Variants in SPTBN1 observed in about 807,000 individuals in gnomAD.
The protein encoded by SPTBN1 is spectrin beta, non-erythrocytic 1.
In SPTBN1, 32 loss-of-function variants were observed where a neutral mutation model predicts 266.4. That is an observed-to-expected ratio of 0.12 (90% CI 0.09 to 0.16). The LOEUF is 0.16. Ranked by LOEUF, SPTBN1 falls within the 10% of genes least tolerant of loss-of-function variation. The pLI is 1.00. For missense variants in SPTBN1, 2,296 were observed against 3,067.1 expected (o/e 0.75, Z 5.94); for synonymous variants, 1,336 against 1,162.2 (o/e 1.15, Z -3.04).
In SPTBN1 at chr2:54,646,419, G is replaced by T; in HGVS notation, c.4810G>T (p.Ala1604Ser). 6.3e-7 allele frequency: 1 copy of T among 1,595,012 alleles called. No individual in the cohort carries two copies. The highest frequency in any genetic ancestry group is 8.5e-7 in the Non-Finnish European group (1 of 1,170,704). The change falls in exon 23 of 36, where the codon GCC becomes TCC. Residue 1604 changes from alanine to serine, a missense_variant. By Grantham distance (99) the Ala-to-Ser change is moderately conservative. This residue lies in a region of SPTBN1 where 644 missense variants were observed against 745.3 expected (regional missense o/e 0.86). Coordinates refer to ENST00000356805, the MANE Select transcript of SPTBN1 (RefSeq NM_003128.3). The surrounding 1 kb of genome is among the most constrained non-coding windows in gnomAD (Gnocchi z 4.4). ...GCAGTACTACTTTGACGCTGCTGAG[G>T]CCGAAGCCTGGATGAGCGAGCAGGA... is the stretch of plus-strand genomic sequence containing the variant. The part of the protein sequence containing the change: ...AQQYYFDAAE[A>S]EAWMSEQELY...
At chr2:54,574,325 G>A (rs762557269) in intron 2 of SPTBN1, among the ~76,000 whole-genome samples, 6 of 152,186 alleles carry the variant, frequency 3.9e-5, no homozygotes, top group South Asian at 2.1e-4. Context: ...TGTTGACCAC[G>A]CCCTAGCATT....
At chr2:54,491,626 G>A (rs1030679708) in intron 1 of SPTBN1, among the ~76,000 whole-genome samples, 2 of 151,384 alleles carry the variant, frequency 1.3e-5, no homozygotes, top group African/African-American at 4.9e-5. Context: ...AGACAAGGCT[G>A]TCACCCAGGC....
chr2:54,670,646 G>T lies in SPTBN1; in HGVS notation c.*2077G>T. 1 of 398,646 alleles carries T rather than the reference G, an allele frequency of 2.5e-6. No homozygotes were observed. Among genetic ancestry groups the T allele is most frequent in the South Asian group, 1.3e-4 (1 of 7,844 alleles). The allele number at this position is 398,646 out of a possible 1,614,324, so 24.7% of individuals were successfully genotyped here. On this transcript the variant is annotated 3_prime_UTR_variant, in exon 36 of 36. Coordinates refer to ENST00000356805, the MANE Select transcript of SPTBN1 (RefSeq NM_003128.3). ...TGATTAATTACAGTCTTGTACTCTT[G>T]ACAAAGCTGTGCAGATGGCAATAAG...
At chr2:54,582,643 G>A (rs1045641962) in intron 2 of SPTBN1, among the ~76,000 whole-genome samples, 6 of 152,050 alleles carry the variant, frequency 3.9e-5, no homozygotes, top group Middle Eastern at 3.4e-3. Context: ...CTCCCATTTC[G>A]GAATTATCAG....
intron 1 of SPTBN1, among the ~76,000 whole-genome samples, chr2:54,474,296 A>G (rs1667690784): frequency 6.6e-6 from 1 of 152,206 alleles, no homozygotes; most frequent in Admixed American, 6.5e-5. Context: ...GTGATAACCT[A>G]AAAGTCCATC....
Position 54,653,876 on chromosome 2 carries a change from A to C in SPTBN1, c.5822+23A>C, listed in dbSNP as rs752875871. ...AAGGTAACGCTTTCAGCCCAAAGGA[A>C]ATTGGACTTATTGGCGCTTGGTTAA... On this transcript the variant is annotated intron_variant, in intron 27 of 35. Coordinates refer to ENST00000356805, the MANE Select transcript of SPTBN1 (RefSeq NM_003128.3). The surrounding 1 kb of genome is among the most constrained non-coding windows in gnomAD (Gnocchi z 5.1). 2 of 1,597,276 alleles carry C rather than the reference A, an allele frequency of 1.3e-6. No individual in the cohort carries two copies. Among genetic ancestry groups the C allele is most frequent in the South Asian group, 2.3e-5 (2 of 88,146 alleles).
chr2:54,533,889 CTG>C lies in SPTBN1; in HGVS notation c.148+7325_148+7326del, dbSNP rs1431888557. 8.1e-6 allele frequency among the ~76,000 whole-genome samples: 1 copy of C among 123,424 alleles called. No homozygotes were observed. Among genetic ancestry groups the C allele is most frequent in the African/African-American group, 3.3e-5 (1 of 30,252 alleles). 81.0% of individuals were successfully genotyped at this position (123,424 alleles called of 152,430 possible). On this transcript the variant is annotated intron_variant, in intron 2 of 35. Coordinates refer to ENST00000356805, the MANE Select transcript of SPTBN1 (RefSeq NM_003128.3). The surrounding 1 kb of genome is among the most constrained non-coding windows in gnomAD (Gnocchi z 4.2). Reference sequence around the variant, plus strand: ...TAGGGGGAAAGATTGATCTCTCTCTCTGTCTCTCTCTCACACACACACACACA... The same window carrying C: ...TAGGGGGAAAGATTGATCTCTCTCTCTCTCTCTCTCACACACACACACACA...
intron 1 of SPTBN1, among the ~76,000 whole-genome samples, chr2:54,501,285 G>C (rs982942589): frequency 2.0e-5 from 3 of 152,048 alleles, no homozygotes; most frequent in African/African-American, 7.3e-5. Context: ...GGGCTTTTTG[G>C]CTCTTTGGCT....
At chr2:54,548,062 G>C (rs1672353572) in intron 2 of SPTBN1, among the ~76,000 whole-genome samples, 2 of 152,178 alleles carry the variant, frequency 1.3e-5, no homozygotes, top group African/African-American at 4.8e-5. Context: ...AGAATGGCAT[G>C]AACCCAGGAG....
intron 1 of SPTBN1, among the ~76,000 whole-genome samples, chr2:54,525,766 T>C (rs1191969809): frequency 6.6e-6 from 1 of 152,266 alleles, no homozygotes; most frequent in East Asian, 1.9e-4. Context: ...AGTCTCGCTC[T>C]GTTGCCCAGG....
In SPTBN1 at chr2:54,483,528, T is replaced by G. The variant is rs139124823; in HGVS notation, c.-48+27010T>G. Among the ~76,000 whole-genome samples, 407 of 152,310 alleles carry G rather than the reference T, an allele frequency of 2.7e-3. 2 individuals carry two copies. The highest frequency in any genetic ancestry group is 9.5e-3 in the African/African-American group (394 of 41,574). ...GGAGAGGCTGTCTGGAAGCCCGCAGTCTGGTCTGTACCATCCAGGCTCTTT... is the reference window on the plus strand; with the variant it reads ...GGAGAGGCTGTCTGGAAGCCCGCAGGCTGGTCTGTACCATCCAGGCTCTTT... On this transcript the variant is annotated intron_variant, in intron 1 of 35. Coordinates refer to ENST00000356805, the MANE Select transcript of SPTBN1 (RefSeq NM_003128.3).
rs746897447 is a variant in SPTBN1, at chr2:54,562,533, C to CTTTTTTTCTTTTTTTTTTTTT, written c.148+35974_148+35975insCTTTTTTTTTTTTTTTTTTTT. On this transcript the variant is annotated intron_variant, in intron 2 of 35. Transcript: ENST00000356805. ...AAATGCTTACTTTTCTTTTCTTTTTCTTTTTTTTTTTTGAGGCAAGGTCTG... is the reference window on the plus strand; with the variant it reads ...AAATGCTTACTTTTCTTTTCTTTTTCTTTTTTTCTTTTTTTTTTTTTTTTTTTTTTTTTGAGGCAAGGTCTG... 8.7e-5 allele frequency among the ~76,000 whole-genome samples: 11 copies of CTTTTTTTCTTTTTTTTTTTTT among 126,824 alleles called. 3 individuals are homozygous for CTTTTTTTCTTTTTTTTTTTTT. The highest frequency in any genetic ancestry group is 2.4e-4 in the South Asian group (1 of 4,148). The allele number at this position is 126,824 out of a possible 152,430, so 83.2% of individuals were successfully genotyped here.
At position 54,483,954 on chromosome 2, in the gene SPTBN1, G is replaced by T. The variant is rs568993982; in HGVS notation, c.-48+27436G>T. On this transcript the variant is annotated intron_variant, in intron 1 of 35. Coordinates refer to ENST00000356805, the MANE Select transcript of SPTBN1 (RefSeq NM_003128.3). ...TCATGCCTGTAATTCTAGCACTTTG[G>T]GGGGCTGAGGCAGTCAGATCACCTG... Among the ~76,000 whole-genome samples, 10 of 152,260 alleles carry T rather than the reference G, an allele frequency of 6.6e-5. No homozygotes were observed. The East Asian group carries it at 9.7e-4, about 15-fold the overall frequency.
rs2103938216 is a variant in SPTBN1, at chr2:54,631,008, C to T, written c.2961C>T (p.Asp987=). 2 of 1,614,154 alleles carry T rather than the reference C, an allele frequency of 1.2e-6. No homozygotes were observed. The highest frequency in any genetic ancestry group is 2.2e-5 in the South Asian group (2 of 91,082). The change falls in exon 16 of 36, where the codon GAC becomes GAT. Residue 987 remains aspartate, a synonymous_variant. Transcript: ENST00000356805. ...VIESTQDLGN[D]LAGVMALQRK... The stretch of plus-strand genomic sequence containing the variant: ...AGTCCACCCAGGACCTGGGCAATGA[C>T]CTGGCTGGCGTCATGGCCCTGCAGC...
At chr2:54,643,223 C>A (rs1679693813) in intron 19 of SPTBN1, 94 bp downstream of exon 19, 1 of 1,525,384 alleles carries the variant, frequency 6.6e-7, no homozygotes, top group African/African-American at 1.4e-5. Flanking sequence ...CATATCTGAT[C>A]TTATCTGTAC....
intron 31 of SPTBN1, among the ~76,000 whole-genome samples, 191 bp from the exon 32 acceptor site, chr2:54,659,745 T>A (rs1165231347): frequency 6.6e-6 from 1 of 152,218 alleles, no homozygotes; most frequent in Admixed American, 6.5e-5. Context: ...CATAGGGCAT[T>A]CCTGTAGTCG....
chr2:54,518,292 C>T (rs780215743), intron 1 of SPTBN1, among the ~76,000 whole-genome samples: 10 of 150,216 alleles, frequency 6.7e-5, no homozygotes, highest in South Asian at 2.1e-4. Flanking sequence ...CATCACACAC[C>T]GGGGCCTGTC....
Position 54,643,123 on chromosome 2 carries a change from C to G in SPTBN1, c.3999C>G (p.Ile1333Met). The G allele has an allele frequency of 6.2e-7, 1 of 1,613,992 alleles. No homozygotes were observed. The highest frequency in any genetic ancestry group is 8.5e-7 in the Non-Finnish European group (1 of 1,179,938). The change falls in exon 19 of 36, where the codon ATC becomes ATG. Residue 1333 changes from isoleucine to methionine, a missense_variant. This residue lies in a region of SPTBN1 where 386 missense variants were observed against 486.1 expected (regional missense o/e 0.79). Coordinates refer to ENST00000356805, the MANE Select transcript of SPTBN1 (RefSeq NM_003128.3). ...CCAACAAAGAATGGCTTGACAAAAT[C>G]GAGAAGGTGAGTTAAAACATTTGAT... ...LASNKEWLDK[I>M]EKEGMQLISE... is the part of the protein sequence containing the mutation.
At chr2:54,578,193 A>C (rs938548394) in intron 2 of SPTBN1, among the ~76,000 whole-genome samples, 1 of 152,246 alleles carries the variant, frequency 6.6e-6, no homozygotes, top group South Asian at 2.1e-4. Context: ...TTAAAAGTAC[A>C]GTGTTCACTG....
Sources: gnomAD v4.1 joint callset for allele counts (sites outside exome capture counted in the v4.1 genomes callset) on GRCh38, gnomAD v4.1.1 for gene constraint, gnomAD v4.1.1 regional missense constraint, Gnocchi (gnomAD v3.1) non-coding constraint, MANE v1.5 for transcripts, NCBI Gene and HGNC (gene_info 2026-07-23, HGNC 2026-07-21) for gene names.